The following SLC5A12 variants were observed in gnomAD, a reference collection of about 807,000 sequenced individuals.
The protein encoded by SLC5A12 is solute carrier family 5 member 12.
A neutral mutation model predicts 72.7 loss-of-function variants in SLC5A12; 46 were observed. That is an observed-to-expected ratio of 0.63 (90% confidence interval 0.50 to 0.81). SLC5A12 has a LOEUF of 0.81. Among genes scored for constraint, SLC5A12 ranks in the 30% least tolerant of loss-of-function variants. SLC5A12 has a pLI of 0.00. For missense variants in SLC5A12, 683 were observed against 740.7 expected (o/e 0.92, Z 0.90); for synonymous variants, 275 against 264.4 (o/e 1.04, Z -0.39).
chr11:26,692,565 C>T lies in SLC5A12; in HGVS notation c.1077G>A (p.Val359=), dbSNP rs372952413. The part of the protein sequence containing the change: ...VASSINALAT[V]TFEDFVKSCF... The stretch of plus-strand genomic sequence containing the variant: ...AGCTCTTGACAAAATCCTCAAAGGT[C>T]ACTGTTGCCAAGGCATTGATGCTGG... The change falls in exon 9 of 15, where the codon GTG becomes GTA. Residue 359 remains valine, a synonymous_variant. Coordinates refer to ENST00000396005, the MANE Select transcript of SLC5A12 (RefSeq NM_178498.4). The T allele has an allele frequency of 2.5e-6, 4 of 1,613,936 alleles. No homozygotes were observed. The African/African-American group carries it at 5.3e-5, about 22-fold the overall frequency.
At chr11:26,690,813 T>C (rs181424305) in intron 9 of SLC5A12, among the ~76,000 whole-genome samples, 1 of 151,100 alleles carries the variant, frequency 6.6e-6, no homozygotes, top group Admixed American at 6.6e-5. Flanking sequence ...AAAAATTTAG[T>C]TTATTATCTT....
chr11:26,699,980 G>C (rs1254886985), intron 6 of SLC5A12, among the ~76,000 whole-genome samples: 2 of 152,038 alleles, frequency 1.3e-5, no homozygotes, highest in African/African-American at 2.4e-5. Context: ...TTTTTACACT[G>C]TTTCTTTTTA....
chr11:26,709,516 A>G, intron 3 of SLC5A12, 137 bp from the exon 4 acceptor site: 1 of 632,856 alleles, frequency 1.6e-6, no homozygotes, highest in East Asian at 2.8e-5. Flanking sequence ...GTTTTCCCTC[A>G]TTAAATTTTC....
chr11:26,706,820 T>C (rs1437654053), intron 4 of SLC5A12, among the ~76,000 whole-genome samples: 2 of 150,158 alleles, frequency 1.3e-5, no homozygotes, highest in Non-Finnish European at 1.5e-5. Flanking sequence ...ATTATAATTA[T>C]TGATATATTT....
At chr11:26,691,845 A>T (rs1035300817) in intron 9 of SLC5A12, 1 of 152,228 alleles carries the variant, frequency 6.6e-6, no homozygotes, top group African/African-American at 2.4e-5. Flanking sequence ...AGCAAGGGGC[A>T]ATTATTCTTT....
intron 9 of SLC5A12, among the ~76,000 whole-genome samples, chr11:26,689,570 A>G (rs1008564918): frequency 6.6e-6 from 1 of 152,218 alleles, no homozygotes; most frequent in Non-Finnish European, 1.5e-5. Context: ...GGTGAAGGTC[A>G]CATATCCTGA....
At chr11:26,691,253 G>A (rs1460457771) in intron 9 of SLC5A12, among the ~76,000 whole-genome samples, 1 of 151,850 alleles carries the variant, frequency 6.6e-6, no homozygotes, top group East Asian at 1.9e-4. Context: ...ACTAACTTGG[G>A]CAATTTAAAA....
At chr11:26,709,579 A>G (rs543271346) in intron 3 of SLC5A12, among the ~76,000 whole-genome samples, 200 bp from the exon 4 acceptor site, 1 of 152,194 alleles carries the variant, frequency 6.6e-6, no homozygotes, top group African/African-American at 2.4e-5. Context: ...TATCTAGTCC[A>G]TACATTTCAT....
chr11:26,680,326 T>TCC (rs1854369615), intron 12 of SLC5A12, among the ~76,000 whole-genome samples: 1 of 134,552 alleles, frequency 7.4e-6, no homozygotes, highest in East Asian at 2.0e-4. Flanking sequence ...TGTATATATA[T>TCC]TCATATATAT....
intron 1 of SLC5A12, among the ~76,000 whole-genome samples, chr11:26,718,706 C>G (rs1465925334): frequency 6.6e-6 from 1 of 151,750 alleles, no homozygotes; most frequent in African/African-American, 2.4e-5. Flanking sequence ...CCAGGCTGGT[C>G]TCGAACTCCT....
At chr11:26,690,291 A>G (rs1854636150) in intron 9 of SLC5A12, among the ~76,000 whole-genome samples, 1 of 152,152 alleles carries the variant, frequency 6.6e-6, no homozygotes, top group Admixed American at 6.5e-5. Context: ...TAATTTTTAA[A>G]CTGAAAGAAA....
chr11:26,682,725 C>T (rs1384579110), intron 11 of SLC5A12, among the ~76,000 whole-genome samples: 1 of 152,146 alleles, frequency 6.6e-6, no homozygotes, highest in East Asian at 1.9e-4. Context: ...GATAATAAAT[C>T]AATGTTAACA....
rs972433385 is a variant in SLC5A12, at chr11:26,668,592, C to T, written c.*2510G>A. 7 of 152,024 alleles carry T rather than the reference C, an allele frequency of 4.6e-5. No homozygotes were observed. The highest frequency in any genetic ancestry group is 1.7e-4 in the African/African-American group (7 of 41,394). 9.4% of individuals were successfully genotyped at this position (152,024 alleles called of 1,614,324 possible). ...CTGTGCGCTTCATAGTTTCCTTTTG[C>T]TTCACCACACAACAAACACGGTTTT... On this transcript the variant is annotated 3_prime_UTR_variant, in exon 15 of 15. Coordinates refer to ENST00000396005, the MANE Select transcript of SLC5A12 (RefSeq NM_178498.4).
intron 12 of SLC5A12, among the ~76,000 whole-genome samples, chr11:26,680,088 C>T (rs1171281637): frequency 6.6e-6 from 1 of 151,168 alleles, no homozygotes; most frequent in African/African-American, 2.4e-5. Flanking sequence ...CATTATCTGG[C>T]CAGTTTGAGA....
intron 9 of SLC5A12, chr11:26,692,257 A>C: frequency 2.3e-6 from 1 of 431,276 alleles, no homozygotes; most frequent in Non-Finnish European, 4.2e-6. Context: ...AGTGTAGGGT[A>C]AGTATAGAAG....
rs267602836 is a variant in SLC5A12, at chr11:26,678,723, C to T, written c.1568G>A (p.Ser523Asn). Residue 523 changes from serine to asparagine, a missense_variant, in exon 13 of 15, where the codon AGC (serine) becomes AAC (asparagine). By Grantham distance (46) the Ser-to-Asn change is conservative (BLOSUM62 1). Transcript: ENST00000396005. ...LGCIVAGVII[S>N]LITGRQRGED... Reference sequence around the variant, plus strand: ...GAATTATAACCAACCTGTTATGAGGCTGATGATTACTCCAGCAACAATGCA... The same window carrying T: ...GAATTATAACCAACCTGTTATGAGGTTGATGATTACTCCAGCAACAATGCA... 3 of 1,612,146 alleles carry T rather than the reference C, an allele frequency of 1.9e-6. No individual in the cohort carries two copies. The highest frequency in any genetic ancestry group is 1.3e-5 in the African/African-American group (1 of 74,844).
intron 13 of SLC5A12, among the ~76,000 whole-genome samples, chr11:26,674,778 A>C (rs1252040044): frequency 6.6e-6 from 1 of 152,208 alleles, no homozygotes; most frequent in African/African-American, 2.4e-5. Flanking sequence ...CTATGTCAAA[A>C]GACATTTGGC....
intron 12 of SLC5A12, 152 bp from the exon 13 acceptor site, chr11:26,678,967 G>T: frequency 2.0e-6 from 1 of 496,466 alleles, no homozygotes; most frequent in African/African-American, 1.9e-5. Flanking sequence ...GAGAAGATGT[G>T]CTTTGTATTC....
rs10695732 is a variant in SLC5A12, at chr11:26,675,969, CTG to C, written c.1580-2442_1580-2441del. On this transcript the variant is annotated intron_variant, in intron 13 of 14. Transcript: ENST00000396005. ...TATCTGTGTGTGTGTGTGCATGTATCTGTGTGTGTGTGTATGTACCTCTGTCT... is the reference window on the plus strand; with the variant it reads ...TATCTGTGTGTGTGTGTGCATGTATCTGTGTGTGTGTATGTACCTCTGTCT... Among the ~76,000 whole-genome samples the C allele has an allele frequency of 9.3e-5, 14 of 150,708 alleles. No homozygotes were observed. In the South Asian group the frequency reaches 2.7e-3, roughly 29 times the overall value.
Sources: allele counts gnomAD v4.1 joint callset (sites outside exome capture counted in the v4.1 genomes callset), GRCh38; gene constraint gnomAD v4.1.1; transcripts MANE v1.5; gene names NCBI Gene and HGNC (gene_info 2026-07-23, HGNC 2026-07-21).